Variants in CDC45 observed in about 807,000 individuals in gnomAD.
The protein encoded by CDC45 is cell division cycle 45.
In CDC45, 54 loss-of-function variants were observed where a neutral mutation model predicts 77.8. That is an observed-to-expected ratio of 0.69 (90% CI 0.56 to 0.87). CDC45 has a LOEUF of 0.87. CDC45 is among the 40% of genes least tolerant of loss of function. The pLI is 0.00. For missense variants in CDC45, 649 were observed against 721.6 expected, an observed-to-expected ratio of 0.90 and a Z score of 1.15; for synonymous variants, 260 against 272.1, an observed-to-expected ratio of 0.96 and a Z score of 0.44.
At chr22:19,484,066 A>C in intron 5 of CDC45, 61 bp downstream of exon 5, 44 of 1,509,706 alleles carry the variant, frequency 2.9e-5, no homozygotes, top group Non-Finnish European at 3.4e-5. Context: ...GTCGGAGGTC[A>C]TCCTGAAGCC....
At chr22:19,494,200 G>GT (rs768157840) in intron 5 of CDC45, 127 bp from the exon 6 acceptor site, 141 of 774,182 alleles carry the variant, frequency 1.8e-4, no homozygotes, top group Middle Eastern at 3.5e-4. Context: ...CGGGGCACTG[G>GT]TGTGACCGTG....
At chr22:19,499,347 T>C (rs1179934082) in intron 9 of CDC45, among the ~76,000 whole-genome samples, 196 bp downstream of exon 9, 1 of 152,176 alleles carries the variant, frequency 6.6e-6, no homozygotes, top group African/African-American at 2.4e-5. Context: ...ACCGTGGCCT[T>C]GTGTGGCGTC....
intron 5 of CDC45, among the ~76,000 whole-genome samples, chr22:19,493,355 CTG>C (rs2090185395): frequency 6.6e-6 from 1 of 152,170 alleles, no homozygotes; most frequent in East Asian, 1.9e-4. Context: ...TCAAGGAACA[CTG>C]TGTTGTTCCT....
At chr22:19,479,495 TCGGGCG>T, upstream of CDC45, 1 of 593,068 alleles carries the variant, frequency 1.7e-6, no homozygotes, top group South Asian at 1.5e-5. Context: ...CATCGAGGAC[TCGGGCG>T]GAACTAAGCT....
chr22:19,515,873 T>C (rs745569478), intron 15 of CDC45, among the ~76,000 whole-genome samples: 37 of 152,094 alleles, frequency 2.4e-4, no homozygotes, highest in African/African-American at 5.3e-4. Flanking sequence ...TTACCAGACA[T>C]GTATTGAACA....
intron 12 of CDC45, among the ~76,000 whole-genome samples, 184 bp from the exon 13 acceptor site, chr22:19,508,346 G>A (rs1017143836): frequency 2.0e-5 from 3 of 152,218 alleles, no homozygotes; most frequent in Non-Finnish European, 4.4e-5. Flanking sequence ...AAGGCACCCG[G>A]CCACTCTGGG....
chr22:19,518,701 C>T, intron 17 of CDC45, 143 bp from the exon 18 acceptor site: 2 of 691,914 alleles, frequency 2.9e-6, no homozygotes, highest in Non-Finnish European at 2.7e-6. Flanking sequence ...ACAGACACAA[C>T]CACTGAGTGC....
At chr22:19,488,020 A>G (rs553709279) in intron 5 of CDC45, among the ~76,000 whole-genome samples, 1 of 152,084 alleles carries the variant, frequency 6.6e-6, no homozygotes, top group South Asian at 2.1e-4. Flanking sequence ...GCTGGACCCC[A>G]GCAAAGATGA....
At chr22:19,505,338 G>C in intron 9 of CDC45, 24 bp from the exon 10 acceptor site, 1 of 1,614,078 alleles carries the variant, frequency 6.2e-7, no homozygotes, top group Non-Finnish European at 8.5e-7. Context: ...AACCAGCCGA[G>C]GCTTGTGCTA....
chr22:19,489,915 C>T (rs138567898), intron 5 of CDC45, among the ~76,000 whole-genome samples: 29 of 152,296 alleles, frequency 1.9e-4, no homozygotes, highest in African/African-American at 6.7e-4. Flanking sequence ...TTGTTTGTTT[C>T]TCCTTCCAGT....
chr22:19,513,058 C>G (rs34249070), intron 13 of CDC45, among the ~76,000 whole-genome samples: 2 of 152,114 alleles, frequency 1.3e-5, no homozygotes, highest in East Asian at 1.9e-4. Context: ...ACTTACACCC[C>G]CTAGCCCCAG....
upstream of CDC45, chr22:19,479,747 GCTT>G (rs1230496231): frequency 7.7e-6 from 5 of 651,600 alleles, no homozygotes; most frequent in East Asian, 1.4e-4. Flanking sequence ...CAGAGGTGAC[GCTT>G]CTTTGGGGGC....
chr22:19,486,884 G>T (rs2090076367), intron 5 of CDC45, among the ~76,000 whole-genome samples: 1 of 152,082 alleles, frequency 6.6e-6, no homozygotes, highest in Non-Finnish European at 1.5e-5. Flanking sequence ...CACCGTGTTA[G>T]CCAGGATGGT....
chr22:19,513,285 G>C (rs776381812), intron 13 of CDC45, among the ~76,000 whole-genome samples: 5 of 152,202 alleles, frequency 3.3e-5, no homozygotes, highest in Non-Finnish European at 5.9e-5. Flanking sequence ...TCTTGGGTTA[G>C]AGAAAAAGAT....
chr22:19,497,321 G>C, intron 7 of CDC45, 65 bp from the exon 8 acceptor site: 1 of 1,485,150 alleles, frequency 6.7e-7, no homozygotes, highest in Non-Finnish European at 9.4e-7. Context: ...GTCCAGTCTG[G>C]CTGCATGGCC....
intron 15 of CDC45, 97 bp from the exon 16 acceptor site, chr22:19,516,430 T>TG (rs931840299): frequency 4.1e-5 from 40 of 982,390 alleles, no homozygotes; most frequent in Non-Finnish European, 5.8e-5. Flanking sequence ...CTGGAGGCTT[T>TG]GGGGAGTGGA....
At chr22:19,491,553 A>T (rs905916046) in intron 5 of CDC45, among the ~76,000 whole-genome samples, 1 of 151,970 alleles carries the variant, frequency 6.6e-6, no homozygotes, top group Non-Finnish European at 1.5e-5. Context: ...GTGATTTCTC[A>T]TGAGAAATCC....
At chr22:19,485,950 C>T (rs1481216558) in intron 5 of CDC45, among the ~76,000 whole-genome samples, 2 of 152,170 alleles carry the variant, frequency 1.3e-5, no homozygotes, top group African/African-American at 4.8e-5. Flanking sequence ...GCCACATTTG[C>T]TTTCTTTCTG....
chr22:19,486,129 C>T (rs553994809), intron 5 of CDC45, among the ~76,000 whole-genome samples: 34 of 152,274 alleles, frequency 2.2e-4, no homozygotes, highest in Non-Finnish European at 4.3e-4. Context: ...TCAAGCGATT[C>T]GCCTGCCTCA....
Sources: allele counts gnomAD v4.1 joint callset (sites outside exome capture counted in the v4.1 genomes callset), GRCh38; gene constraint gnomAD v4.1.1; transcripts MANE v1.5; gene names NCBI Gene and HGNC (gene_info 2026-07-23, HGNC 2026-07-21).